Variants in PEAK1 observed in about 807,000 individuals in gnomAD.
PEAK1 encodes the protein pseudopodium enriched atypical kinase 1, also known as inactive tyrosine-protein kinase PEAK1.
Under a neutral mutation model 124.7 loss-of-function variants are expected in PEAK1, and 54 were observed. That is an observed-to-expected ratio of 0.43 (90% confidence interval 0.35 to 0.54). The LOEUF (loss-of-function observed/expected upper bound fraction) is 0.54. Among genes scored for constraint, PEAK1 ranks in the 20% least tolerant of loss-of-function variants. The pLI is 0.01. For synonymous variants in PEAK1, 719 were observed against 760.0 expected, an observed-to-expected ratio of 0.95 and a Z score of 0.89; for missense variants, 2,046 against 2,134.5, an observed-to-expected ratio of 0.96 and a Z score of 0.82.
intron 6 of PEAK1, among the ~76,000 whole-genome samples, chr15:77,226,659 T>C (rs1335189877): frequency 1.3e-5 from 2 of 152,124 alleles, no homozygotes; most frequent in South Asian, 2.1e-4. Flanking sequence ...AAGTTCTGCA[T>C]ACTCTTCTGG....
chr15:77,338,645 AT>A (rs201080133), intron 2 of PEAK1, among the ~76,000 whole-genome samples: 17,216 of 113,354 alleles, frequency 0.15, 1,055 homozygotes, highest in African/African-American at 0.16. Flanking sequence ...AAAAAAAAAA[AT>A]ATATATATAT....
At chr15:77,215,706 G>A (rs998139237) in intron 6 of PEAK1, among the ~76,000 whole-genome samples, 1 of 152,106 alleles carries the variant, frequency 6.6e-6, no homozygotes, top group Non-Finnish European at 1.5e-5. Flanking sequence ...ACATTTAAAC[G>A]ATAACTTCTT....
At chr15:77,257,424 T>C (rs1215470659) in intron 5 of PEAK1, among the ~76,000 whole-genome samples, 1 of 150,252 alleles carries the variant, frequency 6.7e-6, no homozygotes, top group Admixed American at 6.6e-5. Context: ...CCATTCTAAC[T>C]GGTGTGAGAT....
chr15:77,201,065 C>T (rs2058336497), intron 6 of PEAK1, among the ~76,000 whole-genome samples: 1 of 151,904 alleles, frequency 6.6e-6, no homozygotes, highest in South Asian at 2.1e-4. Flanking sequence ...CTCAGATTTA[C>T]ATGTCATACA....
At chr15:77,231,866 A>G (rs974737151) in intron 6 of PEAK1, among the ~76,000 whole-genome samples, 5 of 152,212 alleles carry the variant, frequency 3.3e-5, no homozygotes, top group African/African-American at 1.2e-4. Context: ...GATAATCAGT[A>G]TCTTCCTACA....
At chr15:77,292,771 G>C (rs897336605) in intron 2 of PEAK1, among the ~76,000 whole-genome samples, 1 of 152,008 alleles carries the variant, frequency 6.6e-6, no homozygotes, top group African/African-American at 2.4e-5. Context: ...TGAATAATAA[G>C]GATTAACTTA....
chr15:77,402,754 C>T, intron 1 of PEAK1: 4 of 985,274 alleles, frequency 4.1e-6, no homozygotes, highest in South Asian at 9.4e-5. Flanking sequence ...ATAAAGCAGA[C>T]TTTCATACTG....
intron 5 of PEAK1, among the ~76,000 whole-genome samples, chr15:77,259,024 A>G (rs2061310834): frequency 6.6e-6 from 1 of 152,206 alleles, no homozygotes; most frequent in Admixed American, 6.5e-5. Flanking sequence ...ATGCTGGATT[A>G]CATTTATTGA....
At chr15:77,368,624 A>G (rs932596740) in intron 1 of PEAK1, among the ~76,000 whole-genome samples, 1 of 152,230 alleles carries the variant, frequency 6.6e-6, no homozygotes, top group African/African-American at 2.4e-5. Flanking sequence ...AGCAATAAGT[A>G]AGACAATGGA....
At chr15:77,402,075 T>C in intron 1 of PEAK1, 1 of 798,160 alleles carries the variant, frequency 1.3e-6, no homozygotes, top group Non-Finnish European at 1.5e-6. Flanking sequence ...GGCATGCACC[T>C]ATAATCCCAG....
intron 1 of PEAK1, among the ~76,000 whole-genome samples, chr15:77,376,318 G>A (rs986703330): frequency 1.5e-4 from 23 of 152,048 alleles, no homozygotes; most frequent in African/African-American, 5.5e-4. Flanking sequence ...TAAGGGAAGA[G>A]TTTATCTTTC....
intron 5 of PEAK1, among the ~76,000 whole-genome samples, chr15:77,260,497 A>G (rs1310566357): frequency 6.6e-6 from 1 of 152,178 alleles, no homozygotes; most frequent in Non-Finnish European, 1.5e-5. Context: ...GGGCTGTAAT[A>G]ACTATGCTCT....
intron 7 of PEAK1, chr15:77,177,971 TAGC>T (rs1464048529): frequency 2.0e-5 from 3 of 152,210 alleles, no homozygotes; most frequent in African/African-American, 7.2e-5. Flanking sequence ...TGAAAAGCAC[TAGC>T]TTTGTGACTC....
intron 1 of PEAK1, among the ~76,000 whole-genome samples, chr15:77,378,188 TTATA>T (rs758426465): frequency 3.9e-5 from 5 of 129,688 alleles, no homozygotes; most frequent in African/African-American, 5.3e-5. Flanking sequence ...TATAACAATA[TTATA>T]TATATATATA....
chr15:77,136,688 TA>T (rs1334172853), intron 8 of PEAK1, among the ~76,000 whole-genome samples: 4 of 151,630 alleles, frequency 2.6e-5, no homozygotes, highest in African/African-American at 9.7e-5. Context: ...TAAATAAAAA[TA>T]AAAATAAAAT....
intron 1 of PEAK1, among the ~76,000 whole-genome samples, chr15:77,370,090 C>T (rs2068537441): frequency 6.6e-6 from 1 of 152,110 alleles, no homozygotes; most frequent in Admixed American, 6.5e-5. Flanking sequence ...CATCTCCCCA[C>T]TTCATCTCCC....
At chr15:77,244,708 C>T (rs2060502783) in intron 6 of PEAK1, among the ~76,000 whole-genome samples, 1 of 152,014 alleles carries the variant, frequency 6.6e-6, no homozygotes, top group African/African-American at 2.4e-5. Context: ...CATGCCTCAG[C>T]CTCCCAAGTA....
chr15:77,318,744 C>T (rs1053158401), intron 2 of PEAK1, among the ~76,000 whole-genome samples: 1 of 151,754 alleles, frequency 6.6e-6, no homozygotes, highest in African/African-American at 2.4e-5. Flanking sequence ...ATGAATTTAG[C>T]AAACATGCGG....
chr15:77,316,045 A>C (rs1235143130), intron 2 of PEAK1, among the ~76,000 whole-genome samples: 1 of 152,164 alleles, frequency 6.6e-6, no homozygotes, highest in Non-Finnish European at 1.5e-5. Flanking sequence ...GGGCATATGG[A>C]AACTCTTGTA....
Sources: gnomAD v4.1 joint callset for allele counts (sites outside exome capture counted in the v4.1 genomes callset) on GRCh38, gnomAD v4.1.1 for gene constraint, MANE v1.5 for transcripts, NCBI Gene and HGNC (gene_info 2026-07-23, HGNC 2026-07-21) for gene names.